Variants in RCOR1 observed in about 807,000 individuals in gnomAD.
The protein encoded by RCOR1 is REST corepressor.
RCOR1 carries 12 observed loss-of-function variants against 64.0 expected under a neutral mutation model. The observed-to-expected ratio is 0.19, with a 90% CI of 0.12 to 0.30. The LOEUF (loss-of-function observed/expected upper bound fraction) is 0.30. RCOR1 is among the 10% of genes least tolerant of loss of function. RCOR1 has a pLI of 1.00. For synonymous variants in RCOR1, 279 were observed against 227.2 expected (o/e 1.23, Z -2.05); for missense variants, 502 against 621.2 (o/e 0.81, Z 2.04).
Position 102,730,132 on chromosome 14 carries a change from C to A in RCOR1, c.*3626C>A. 2.5e-6 allele frequency: 1 copy of A among 398,234 alleles called. No homozygotes were observed. The highest frequency in any genetic ancestry group is 4.4e-6 in the Non-Finnish European group (1 of 225,988). The allele number at this position is 398,234 out of a possible 1,614,324, so 24.7% of individuals were successfully genotyped here. A position where few individuals can be genotyped will look rare whatever the true frequency, so the allele number is the denominator to read the frequency against. ...TGTGATGATGAGTGTTTACAGCCAC[C>A]TTCTCCTAAAACGAAATTTATACCG... On this transcript the variant is annotated 3_prime_UTR_variant, in exon 12 of 12. Transcript: ENST00000262241.
At chr14:102,648,281 G>A (rs936405264) in intron 2 of RCOR1, among the ~76,000 whole-genome samples, 1 of 152,212 alleles carries the variant, frequency 6.6e-6, no homozygotes, top group Non-Finnish European at 1.5e-5. Context: ...GTTTCACCAT[G>A]TCGGCGAGGC....
At chr14:102,721,427 A>T (rs763793561) in intron 10 of RCOR1, 50 bp downstream of exon 10, 1 of 1,388,818 alleles carries the variant, frequency 7.2e-7, no homozygotes, top group South Asian at 1.2e-5. Flanking sequence ...GTGGTGGCTC[A>T]CACCTGTAAT....
intron 3 of RCOR1, among the ~76,000 whole-genome samples, chr14:102,690,779 T>C (rs1895516765): frequency 6.6e-6 from 1 of 152,178 alleles, no homozygotes; most frequent in Admixed American, 6.6e-5. Context: ...CATCGTATTA[T>C]CTACTTTATG....
rs34235674 is a variant in RCOR1 at position 102,721,380 on chromosome 14, AG to A, written c.1189+8del. 1 of 1,612,066 alleles carries A rather than the reference AG, an allele frequency of 6.2e-7. No individual in the cohort carries two copies. Among genetic ancestry groups the A allele is most frequent in the Admixed American group, 1.7e-5 (1 of 59,976 alleles). On this transcript the variant is annotated splice_donor_region_variant and intron_variant, in intron 10 of 11. Transcript: ENST00000262241. ...AGAGCAGCTTCTCGCCGTACAAGGTAGGGGGAAGTTCTTCTAAAGAGTTTAG... is the reference window on the plus strand; with the variant it reads ...AGAGCAGCTTCTCGCCGTACAAGGTAGGGGAAGTTCTTCTAAAGAGTTTAG...
At chr14:102,597,409 A>G (rs537535190) in intron 2 of RCOR1, among the ~76,000 whole-genome samples, 44 of 150,040 alleles carry the variant, frequency 2.9e-4, no homozygotes, top group African/African-American at 1.0e-3. Context: ...GCTCACTGCA[A>G]CCTCCATCTC....
intron 3 of RCOR1, among the ~76,000 whole-genome samples, chr14:102,692,710 C>CTCCTTCCTTCGT (rs1555466535): frequency 5.9e-5 from 7 of 118,684 alleles, no homozygotes; most frequent in African/African-American, 9.7e-5. Flanking sequence ...AACTACATCT[C>CTCCTTCCTTCGT]TCCTTCCTTC....
At chr14:102,685,597 C>G (rs1011292516) in intron 3 of RCOR1, among the ~76,000 whole-genome samples, 1 of 151,830 alleles carries the variant, frequency 6.6e-6, no homozygotes, top group Non-Finnish European at 1.5e-5. Flanking sequence ...AGTCTCCTGC[C>G]TCAGCTTCCC....
At chr14:102,684,442 C>T (rs1309311717) in intron 3 of RCOR1, among the ~76,000 whole-genome samples, 4 of 152,146 alleles carry the variant, frequency 2.6e-5, no homozygotes, top group Admixed American at 1.3e-4. Context: ...ATACATCTGT[C>T]TTTCCATTTA....
At chr14:102,686,926 T>G (rs1567435906) in intron 3 of RCOR1, among the ~76,000 whole-genome samples, 2 of 152,226 alleles carry the variant, frequency 1.3e-5, no homozygotes, top group Non-Finnish European at 2.9e-5. Flanking sequence ...AATTATTGGA[T>G]TATATTTTTT....
intron 2 of RCOR1, among the ~76,000 whole-genome samples, chr14:102,632,378 C>T (rs1177398903): frequency 9.3e-5 from 14 of 150,774 alleles, no homozygotes; most frequent in Admixed American, 4.6e-4. Context: ...CCACCACGCC[C>T]GGCTCATTTT....
chr14:102,690,528 C>G (rs1192400886), intron 3 of RCOR1, among the ~76,000 whole-genome samples: 6 of 152,172 alleles, frequency 3.9e-5, no homozygotes, highest in Non-Finnish European at 8.8e-5. Context: ...GAGGTCCAGG[C>G]TGCAGTGAGC....
At chr14:102,664,090 A>G (rs1261684871) in intron 2 of RCOR1, among the ~76,000 whole-genome samples, 15 of 152,234 alleles carry the variant, frequency 9.9e-5, no homozygotes, top group African/African-American at 3.4e-4. Flanking sequence ...ATTACTGGAA[A>G]GTGATTGAGT....
chr14:102,685,548 T>G (rs1895400873), intron 3 of RCOR1, among the ~76,000 whole-genome samples: 1 of 151,862 alleles, frequency 6.6e-6, no homozygotes, highest in Admixed American at 6.6e-5. Context: ...AGTTGTGCGA[T>G]CTTGGCTCAC....
intron 2 of RCOR1, among the ~76,000 whole-genome samples, chr14:102,631,392 A>G (rs1894108182): frequency 6.7e-6 from 1 of 150,126 alleles, no homozygotes; most frequent in East Asian, 2.0e-4. Context: ...TTAAGTAGAG[A>G]CGGGGTTTCA....
At position 102,727,558 on chromosome 14, in the gene RCOR1, T is replaced by G. The variant is rs563601098; in HGVS notation, c.*1052T>G. ...CTGGTTTATGAAAGCTGCGCGTTGTTCCGCGTTCTCTCGGTGTGCCTGGCC... is the reference window on the plus strand; with the variant it reads ...CTGGTTTATGAAAGCTGCGCGTTGTGCCGCGTTCTCTCGGTGTGCCTGGCC... On this transcript the variant is annotated 3_prime_UTR_variant, in exon 12 of 12. Transcript: ENST00000262241. The G allele has an allele frequency of 1.3e-5, 2 of 152,302 alleles. No individual in the cohort carries two copies. Among genetic ancestry groups the G allele is most frequent in the South Asian group, 4.2e-4 (2 of 4,792 alleles). 9.4% of individuals were successfully genotyped at this position (152,302 alleles called of 1,614,324 possible).
chr14:102,651,941 A>G (rs1894600442), intron 2 of RCOR1, among the ~76,000 whole-genome samples: 2 of 152,240 alleles, frequency 1.3e-5, no homozygotes, highest in African/African-American at 2.4e-5. Flanking sequence ...ATTGATTCTC[A>G]GTAGGCTTCA....
chr14:102,701,189 C>T (rs911956482), intron 3 of RCOR1, 89 bp from the exon 4 acceptor site: 6 of 1,078,810 alleles, frequency 5.6e-6, no homozygotes, highest in Non-Finnish European at 7.2e-6. Flanking sequence ...ATCAGCAGGC[C>T]TGAAATATAC....
intron 7 of RCOR1, among the ~76,000 whole-genome samples, chr14:102,713,425 G>A (rs999051812): frequency 6.6e-6 from 1 of 152,110 alleles, no homozygotes; most frequent in Admixed American, 6.6e-5. Flanking sequence ...TGGGGCTACA[G>A]GCGCCCGCCA....
At chr14:102,624,064 C>T (rs891766234) in intron 2 of RCOR1, among the ~76,000 whole-genome samples, 11 of 151,826 alleles carry the variant, frequency 7.2e-5, no homozygotes, top group East Asian at 1.9e-4. Context: ...GGCATGGTGG[C>T]GGGCACCTGT....
Sources: gnomAD v4.1 joint callset for allele counts (sites outside exome capture counted in the v4.1 genomes callset) on GRCh38, gnomAD v4.1.1 for gene constraint, MANE v1.5 for transcripts, NCBI Gene and HGNC (gene_info 2026-07-23, HGNC 2026-07-21) for gene names.